Variants in KIF1B observed in about 807,000 individuals in gnomAD.
KIF1B encodes kinesin-like protein KIF1B.
KIF1B carries 76 observed loss-of-function variants against 241.9 expected under a neutral mutation model. The observed-to-expected ratio is 0.31, with a 90% CI of 0.26 to 0.38. KIF1B has a LOEUF of 0.38. KIF1B is among the 10% of genes least tolerant of loss of function. The probability of loss-of-function intolerance (pLI) is 1.00; values close to 1 mark genes in which losing one functional copy is unlikely to be tolerated. For missense variants in KIF1B, 1,622 were observed against 2,271.4 expected (o/e 0.71, Z 5.81); for synonymous variants, 750 against 796.7 (o/e 0.94, Z 0.99).
chr1:10,226,015 T>TA lies in KIF1B; in HGVS notation c.-79-6229dup, dbSNP rs201332796. The stretch of plus-strand genomic sequence containing the variant: ...TGGTAAAGATAATAAAAAATATTTT[T>TA]AAAAAAGAAAATGGGGATATTGTGT... On this transcript the variant is annotated intron_variant, in intron 1 of 48. Transcript: ENST00000676179. 4.9e-3 allele frequency among the ~76,000 whole-genome samples: 751 copies of TA among 152,166 alleles called. 11 individuals carry two copies. The highest frequency in any genetic ancestry group is 0.017 in the African/African-American group (708 of 41,516).
intron 14 of KIF1B, among the ~76,000 whole-genome samples, chr1:10,281,490 C>G (rs915751059): frequency 6.6e-6 from 1 of 152,038 alleles, no homozygotes; most frequent in East Asian, 1.9e-4. Flanking sequence ...CTAAAACTTG[C>G]ATTTTATACT....
At chr1:10,339,187 G>T (rs1414427364) in intron 31 of KIF1B, among the ~76,000 whole-genome samples, 1 of 152,052 alleles carries the variant, frequency 6.6e-6, no homozygotes, top group Admixed American at 6.6e-5. Context: ...TCTGTGTGTC[G>T]AGACCTGTGG....
chr1:10,237,019 G>A (rs1166900487), intron 2 of KIF1B, among the ~76,000 whole-genome samples: 2 of 152,120 alleles, frequency 1.3e-5, no homozygotes, highest in Non-Finnish European at 2.9e-5. Context: ...GCACTAGAAT[G>A]TTTCTGCCAT....
At chr1:10,367,029 A>T (rs1171978045) in intron 43 of KIF1B, among the ~76,000 whole-genome samples, 1 of 152,180 alleles carries the variant, frequency 6.6e-6, no homozygotes, top group Non-Finnish European at 1.5e-5. Context: ...GTGAAGAGAT[A>T]CACTGAGGAA....
intron 12 of KIF1B, 148 bp from the exon 13 acceptor site, chr1:10,277,838 G>T: frequency 1.5e-6 from 1 of 682,192 alleles, no homozygotes; most frequent in South Asian, 1.9e-5. Context: ...TCTTTAATAG[G>T]TACTATAAAG....
At chr1:10,299,867 G>A (rs955140652) in intron 22 of KIF1B, among the ~76,000 whole-genome samples, 5 of 152,166 alleles carry the variant, frequency 3.3e-5, no homozygotes, top group Non-Finnish European at 4.4e-5. Flanking sequence ...AATGAAAGCC[G>A]AAGGATCATT....
chr1:10,370,513 A>C (rs1305183808), intron 44 of KIF1B, among the ~76,000 whole-genome samples: 1 of 152,006 alleles, frequency 6.6e-6, no homozygotes, highest in African/African-American at 2.4e-5. Flanking sequence ...ACAGTGAGCC[A>C]ACATCGCACC....
intron 2 of KIF1B, among the ~76,000 whole-genome samples, chr1:10,253,037 T>A (rs1647555398): frequency 2.0e-5 from 3 of 152,144 alleles, no homozygotes; most frequent in Admixed American, 6.6e-5. Context: ...TAAAGAGAAT[T>A]TTAAACAATG....
Position 10,343,235 on chromosome 1 carries a change from G to C in KIF1B, c.3636G>C (p.Pro1212=). 6.2e-7 allele frequency: 1 copy of C among 1,614,072 alleles called. No homozygotes were observed. The highest frequency in any genetic ancestry group is 8.5e-7 in the Non-Finnish European group (1 of 1,179,988). The change falls in exon 34 of 49, where the codon CCG becomes CCC. Residue 1212 remains proline, a synonymous_variant. Coordinates refer to ENST00000676179, the MANE Select transcript of KIF1B (RefSeq NM_001365951.3). ...LHLQGQELNS[P]PQPCRRFFPP... is the part of the protein sequence containing the mutation. Reference sequence around the variant, plus strand: ...CTTTGTCTTCCTTTCTTTGCAGTCCGCCTCAGCCGTGCCGCCGATTCTTCC... The same window carrying C: ...CTTTGTCTTCCTTTCTTTGCAGTCCCCCTCAGCCGTGCCGCCGATTCTTCC...
intron 36 of KIF1B, 130 bp from the exon 37 acceptor site, chr1:10,348,519 G>A (rs1652669348): frequency 1.4e-6 from 1 of 724,098 alleles, no homozygotes; most frequent in Non-Finnish European, 2.5e-6. Flanking sequence ...AATGTGGATA[G>A]CATTTTCCGT....
chr1:10,338,917 C>T (rs1423104268), intron 31 of KIF1B, among the ~76,000 whole-genome samples: 1 of 152,202 alleles, frequency 6.6e-6, no homozygotes, highest in Non-Finnish European at 1.5e-5. Context: ...TGGAAGACAA[C>T]AAGTTCATAT....
At chr1:10,215,168 A>AT (rs1557640288) in intron 1 of KIF1B, among the ~76,000 whole-genome samples, 7 of 53,848 alleles carry the variant, frequency 1.3e-4, no homozygotes, top group Non-Finnish European at 2.2e-4. Context: ...ATATATATAT[A>AT]TATATTTTTT....
chr1:10,259,515 T>G (rs926730626), intron 4 of KIF1B, among the ~76,000 whole-genome samples: 14 of 150,718 alleles, frequency 9.3e-5, no homozygotes, highest in African/African-American at 3.4e-4. Flanking sequence ...ATTTTTTTTT[T>G]TTTTTGAGGT....
intron 22 of KIF1B, among the ~76,000 whole-genome samples, chr1:10,309,519 CT>C (rs1650979344): frequency 6.7e-6 from 1 of 149,144 alleles, no homozygotes; most frequent in Non-Finnish European, 1.5e-5. Flanking sequence ...CCAGCTATTG[CT>C]TGCTAATTAT....
intron 24 of KIF1B, 83 bp from the exon 25 acceptor site, chr1:10,323,801 C>T: frequency 2.6e-6 from 3 of 1,151,430 alleles, no homozygotes; most frequent in Non-Finnish European, 3.9e-6. Flanking sequence ...CGACCTCTTT[C>T]CCATTGGGTA....
In KIF1B at chr1:10,380,043, T is replaced by A. The variant is rs1027826962; in HGVS notation, c.*3456T>A. The A allele has an allele frequency of 1.3e-5, 3 of 228,758 alleles. No individual in the cohort carries two copies. The highest frequency in any genetic ancestry group is 2.2e-5 in the African/African-American group (1 of 45,064). 14.2% of individuals were successfully genotyped at this position (228,758 alleles called of 1,614,324 possible). On this transcript the variant is annotated 3_prime_UTR_variant, in exon 49 of 49. Coordinates refer to ENST00000676179, the MANE Select transcript of KIF1B (RefSeq NM_001365951.3). ...GACTTCAGACAACTCTCCTATTTTT[T>A]ATGGATTTTTCAGCTCATTTCAGAT...
chr1:10,307,316 GTTA>G (rs1219640983), intron 22 of KIF1B: 9 of 1,009,666 alleles, frequency 8.9e-6, no homozygotes, highest in African/African-American at 1.7e-5. Context: ...TTTTGTTTTT[GTTA>G]TTGTTGTTTT....
chr1:10,305,653 C>T (rs1557702996), intron 22 of KIF1B: 1 of 1,056,636 alleles, frequency 9.5e-7, no homozygotes, highest in Non-Finnish European at 1.1e-6. Flanking sequence ...ATAAACTATT[C>T]TTTGGTTAGC....
chr1:10,282,648 G>C, intron 15 of KIF1B, 115 bp downstream of exon 15: 1 of 868,918 alleles, frequency 1.2e-6, no homozygotes, highest in Non-Finnish European at 1.9e-6. Flanking sequence ...TTGACTCTTA[G>C]AAGTGTCCTG....
Sources: gnomAD v4.1 joint callset for allele counts (sites outside exome capture counted in the v4.1 genomes callset) on GRCh38, gnomAD v4.1.1 for gene constraint, MANE v1.5 for transcripts, NCBI Gene and HGNC (gene_info 2026-07-23, HGNC 2026-07-21) for gene names.